Variants in C3AR1 observed in about 807,000 individuals in gnomAD.
C3AR1 encodes complement C3a receptor 1.
For missense variants in C3AR1, 579 were observed against 583.5 expected, an observed-to-expected ratio of 0.99 and a Z score of 0.08; for synonymous variants, 208 against 225.3, an observed-to-expected ratio of 0.92 and a Z score of 0.69.
chr12:8,060,494 A>T (rs200174579), intron 1 of C3AR1, among the ~76,000 whole-genome samples: 1 of 152,324 alleles, frequency 6.6e-6, no homozygotes, highest in East Asian at 1.9e-4. Context: ...TCCCGAGTTC[A>T]AGCGATTCTC....
chr12:8,058,543 G>A lies in C3AR1; in HGVS notation c.*194C>T. On this transcript the variant is annotated 3_prime_UTR_variant, in exon 2 of 2. Transcript: ENST00000307637. ...GATTCCGATTCAGCAAGTCTGGGAT[G>A]CGGCTTGAGAATTTGCATTTCTAAC... 1.6e-6 allele frequency: 1 copy of A among 614,156 alleles called. No homozygotes were observed. Among genetic ancestry groups the A allele is most frequent in the Non-Finnish European group, 2.7e-6 (1 of 366,218 alleles). 38.0% of individuals were successfully genotyped at this position (614,156 alleles called of 1,614,324 possible). A position where few individuals can be genotyped will look rare whatever the true frequency, so the allele number is the denominator to read the frequency against.
At position 8,056,864 on chromosome 12, in the gene C3AR1, G is replaced by T. The variant is rs118104258; in HGVS notation, c.*1873C>A. On this transcript the variant is annotated 3_prime_UTR_variant, in exon 2 of 2. Coordinates refer to ENST00000307637, the MANE Select transcript of C3AR1 (RefSeq NM_004054.4). ...AAGGATTCATAAATCTCTGAGCCTC[G>T]CAAGGACCCATGAGAAAAAAAGCAT... Among the ~76,000 whole-genome samples the T allele has an allele frequency of 1.3e-5, 2 of 152,070 alleles. No individual in the cohort carries two copies. Among genetic ancestry groups the T allele is most frequent in the Non-Finnish European group, 2.9e-5 (2 of 68,020 alleles).
rs140331917 is a variant in C3AR1 at position 8,061,092 on chromosome 12, A to G, written c.-10-897T>C. 3.3e-3 allele frequency among the ~76,000 whole-genome samples: 502 copies of G among 152,046 alleles called. 4 individuals carry two copies. The highest frequency in any genetic ancestry group is 6.1e-3 in the Non-Finnish European group (417 of 67,956). On this transcript the variant is annotated intron_variant, in intron 1 of 1. Coordinates refer to ENST00000307637, the MANE Select transcript of C3AR1 (RefSeq NM_004054.4). ...GACTCAGCGATGTCTTTTAGATACA[A>G]CTCCATCTCCTTTTGCTTTCAAATT...
At position 8,059,313 on chromosome 12, in the gene C3AR1, A is replaced by G; in HGVS notation, c.873T>C (p.Ser291=). Residue 291 remains serine (S), a synonymous_variant, in exon 2 of 2, where the codon TCT becomes TCC. Coordinates refer to ENST00000307637, the MANE Select transcript of C3AR1 (RefSeq NM_004054.4). ...CGCTAGGGAACAGCTTTAAATGAGTAGAGAGAAAAGCATCAGAGTTATCCA... is the reference window on the plus strand; with the variant it reads ...CGCTAGGGAACAGCTTTAAATGAGTGGAGAGAAAAGCATCAGAGTTATCCA... ...SPLDNSDAFL[S]THLKLFPSAS... 6.2e-7 allele frequency: 1 copy of G among 1,614,230 alleles called. No homozygotes were observed. Among genetic ancestry groups the G allele is most frequent in the South Asian group, 1.1e-5 (1 of 91,090 alleles).
chr12:8,060,234 C>G (rs759779343), intron 1 of C3AR1, 39 bp from the exon 2 acceptor site: 2 of 1,489,682 alleles, frequency 1.3e-6, no homozygotes. Flanking sequence ...CAAACAGTAT[C>G]TTTTTGAAAA....
Position 8,059,885 on chromosome 12 carries a change from T to C in C3AR1, c.301A>G (p.Ile101Val). The C allele has an allele frequency of 1.9e-6, 3 of 1,613,980 alleles. No homozygotes were observed. The highest frequency in any genetic ancestry group is 2.2e-5 in the East Asian group (1 of 44,874). Residue 101 changes from isoleucine to valine, a missense_variant, in exon 2 of 2, where the codon ATC (isoleucine) becomes GTC (valine). Physicochemically the swap from Ile to Val is conservative, Grantham distance 29. Coordinates refer to ENST00000307637, the MANE Select transcript of C3AR1 (RefSeq NM_004054.4). ...CTGGCAAACATGTTGAGGACAATGA[T>C]GGAGGGGATGAGCTTGCATAGGAAC... is the stretch of plus-strand genomic sequence containing the variant. ...GRFLCKLIPS[I>V]IVLNMFASVF...
At chr12:8,062,355 A>T (rs866979044) in intron 1 of C3AR1, among the ~76,000 whole-genome samples, 4 of 152,136 alleles carry the variant, frequency 2.6e-5, no homozygotes, top group Non-Finnish European at 5.9e-5. Context: ...GTTTGTAAAG[A>T]TGGGGTCTTG....
Position 8,058,545 on chromosome 12 carries a change from G to C in C3AR1, c.*192C>G. Reference sequence around the variant, plus strand: ...TTCCGATTCAGCAAGTCTGGGATGCGGCTTGAGAATTTGCATTTCTAACAA... The same window carrying C: ...TTCCGATTCAGCAAGTCTGGGATGCCGCTTGAGAATTTGCATTTCTAACAA... On this transcript the variant is annotated 3_prime_UTR_variant, in exon 2 of 2. Transcript: ENST00000307637. 1.6e-6 allele frequency: 1 copy of C among 621,956 alleles called. No homozygotes were observed. The highest frequency in any genetic ancestry group is 2.7e-6 in the Non-Finnish European group (1 of 372,874). 38.5% of individuals were successfully genotyped at this position (621,956 alleles called of 1,614,324 possible).
intron 1 of C3AR1, among the ~76,000 whole-genome samples, chr12:8,062,881 T>C (rs1947288426): frequency 6.7e-6 from 1 of 149,406 alleles, no homozygotes; most frequent in Admixed American, 6.6e-5. Flanking sequence ...TCTCCCGACC[T>C]CAGGCGATCC....
intron 1 of C3AR1, among the ~76,000 whole-genome samples, chr12:8,065,843 T>C (rs976643426): frequency 2.6e-5 from 4 of 151,350 alleles, no homozygotes; most frequent in Non-Finnish European, 4.4e-5. Context: ...TCCACTGTGA[T>C]AGAGAAAGAA....
At chr12:8,065,681 T>C (rs1057333617) in intron 1 of C3AR1, among the ~76,000 whole-genome samples, 1 of 144,380 alleles carries the variant, frequency 6.9e-6, no homozygotes, top group Admixed American at 6.9e-5. Context: ...AAAAAAGTCC[T>C]GCAGAGCAAG....
rs978614117 is a variant in C3AR1 at position 8,057,024 on chromosome 12, A to C, written c.*1713T>G. Among the ~76,000 whole-genome samples the C allele has an allele frequency of 1.4e-4, 21 of 152,246 alleles. No individual in the cohort carries two copies. Among genetic ancestry groups the C allele is most frequent in the Admixed American group, 1.3e-3 (20 of 15,282 alleles). The stretch of plus-strand genomic sequence containing the variant: ...TTTTTCTGCATATACTTTATAAAAA[A>C]TCTGTAGTCCAGACCCTCACCTCAG... On this transcript the variant is annotated 3_prime_UTR_variant, in exon 2 of 2. Transcript: ENST00000307637.
rs749041687 is a variant in C3AR1 at position 8,059,081 on chromosome 12, C to T, written c.1105G>A (p.Ala369Thr). 13 of 1,614,144 alleles carry T rather than the reference C, an allele frequency of 8.1e-6. No individual in the cohort carries two copies. The highest frequency in any genetic ancestry group is 5.0e-5 in the Admixed American group (3 of 60,024). Reference protein sequence around the residue: ...IVFRMQRGRFAKSQSKTFRVA... With the variant: ...IVFRMQRGRFTKSQSKTFRVA... The stretch of plus-strand genomic sequence containing the variant: ...CGAAAGGTTTTGCTCTGAGACTTGG[C>T]GAAGCGGCCCCTTTGCATTCGGAAG... Residue 369 changes from alanine to threonine, a missense_variant, in exon 2 of 2, where the codon GCC becomes ACC. Coordinates refer to ENST00000307637, the MANE Select transcript of C3AR1 (RefSeq NM_004054.4).
At position 8,058,751 on chromosome 12, in the gene C3AR1, T is replaced by A; in HGVS notation, c.1435A>T (p.Ser479Cys). 1 of 1,611,388 alleles carries A rather than the reference T, an allele frequency of 6.2e-7. No individual in the cohort carries two copies. The highest frequency in any genetic ancestry group is 8.5e-7 in the Non-Finnish European group (1 of 1,178,442). Residue 479 changes from serine (S) to cysteine (C), a missense_variant, in exon 2 of 2, where the codon AGT (serine) becomes TGT (cysteine). By Grantham distance (112) the Ser-to-Cys change is moderately radical (BLOSUM62 -1). Transcript: ENST00000307637. Reference protein sequence around the residue: ...PSNNVISERNSTTV With the variant: ...PSNNVISERNCTTV Reference sequence around the variant, plus strand: ...GCTCCACATTTTCACACAGTTGTACTATTTCTTTCTGAAATGACATTGTTT... The same window carrying A: ...GCTCCACATTTTCACACAGTTGTACAATTTCTTTCTGAAATGACATTGTTT...
chr12:8,061,438 G>C (rs2120393192), intron 1 of C3AR1, among the ~76,000 whole-genome samples: 1 of 151,948 alleles, frequency 6.6e-6, no homozygotes, highest in African/African-American at 2.4e-5. Flanking sequence ...ATGTGGGACA[G>C]TGCTTCATTT....
At chr12:8,062,791 G>A (rs1344748552) in intron 1 of C3AR1, among the ~76,000 whole-genome samples, 8 of 151,790 alleles carry the variant, frequency 5.3e-5, no homozygotes, top group Non-Finnish European at 1.0e-4. Flanking sequence ...TTACAGGCAT[G>A]CGCCACCATG....
At chr12:8,062,374 C>T (rs1947283144) in intron 1 of C3AR1, among the ~76,000 whole-genome samples, 1 of 152,128 alleles carries the variant, frequency 6.6e-6, no homozygotes, top group South Asian at 2.1e-4. Context: ...TGCTATGTTG[C>T]TCAGGCTGGT....
chr12:8,056,957 C>T lies in C3AR1; in HGVS notation c.*1780G>A, dbSNP rs1314782824. On this transcript the variant is annotated 3_prime_UTR_variant, in exon 2 of 2. Transcript: ENST00000307637. The stretch of plus-strand genomic sequence containing the variant: ...AAAGGTAGCACTTCAAATCTTATGT[C>T]AGACATTCTTCACAACTGAAAGAAT... Among the ~76,000 whole-genome samples, 1 of 152,166 alleles carries T rather than the reference C, an allele frequency of 6.6e-6. No individual in the cohort carries two copies. Among genetic ancestry groups the T allele is most frequent in the Non-Finnish European group, 1.5e-5 (1 of 68,016 alleles).
In C3AR1 at chr12:8,059,428, T is replaced by C. The variant is rs1222840601; in HGVS notation, c.758A>G (p.Asn253Ser). The C allele has an allele frequency of 1.2e-6, 2 of 1,613,984 alleles. No homozygotes were observed. Among genetic ancestry groups the C allele is most frequent in the Non-Finnish European group, 1.7e-6 (2 of 1,179,954 alleles). The change falls in exon 2 of 2, where the codon AAT becomes AGT. Residue 253 changes from asparagine (N) to serine (S), a missense_variant. Physicochemically the swap from Asn to Ser is conservative, Grantham distance 46. Coordinates refer to ENST00000307637, the MANE Select transcript of C3AR1 (RefSeq NM_004054.4). ...AGGTTTAAATACATTAGAATACAGA[T>C]TTTGACTTGTTAACCTAGCAGAACC... Reference protein sequence around the residue: ...PRGSARLTSQNLYSNVFKPAD... With the variant: ...PRGSARLTSQSLYSNVFKPAD...
Sources: gnomAD v4.1 joint callset for allele counts (sites outside exome capture counted in the v4.1 genomes callset) on GRCh38, gnomAD v4.1.1 for gene constraint, MANE v1.5 for transcripts, NCBI Gene and HGNC (gene_info 2026-07-23, HGNC 2026-07-21) for gene names.